Variants in BIRC6 observed in about 807,000 individuals in gnomAD.
BIRC6 encodes the protein dual E2 ubiquitin-conjugating enzyme/E3 ubiquitin-protein ligase BIRC6.
In BIRC6, 98 loss-of-function variants were observed where a neutral mutation model predicts 503.3. That is an observed-to-expected ratio of 0.19 (90% confidence interval 0.17 to 0.23). The LOEUF (loss-of-function observed/expected upper bound fraction) is 0.23. Among genes scored for constraint, BIRC6 ranks in the 10% least tolerant of loss-of-function variants. BIRC6 has a pLI of 1.00. For missense variants in BIRC6, 5,360 were observed against 5,806.0 expected, an observed-to-expected ratio of 0.92 and a Z score of 2.50; for synonymous variants, 2,240 against 2,078.7, an observed-to-expected ratio of 1.08 and a Z score of -2.11.
At chr2:32,555,228 T>C (rs1216289701) in intron 65 of BIRC6, among the ~76,000 whole-genome samples, 1 of 152,124 alleles carries the variant, frequency 6.6e-6, no homozygotes, top group East Asian at 1.9e-4. Context: ...ATAAAGAGTC[T>C]GGGAGCTGTG....
intron 70 of BIRC6, among the ~76,000 whole-genome samples, chr2:32,600,288 A>G (rs1027492802): frequency 6.6e-6 from 1 of 152,248 alleles, no homozygotes; most frequent in Non-Finnish European, 1.5e-5. Context: ...TCATATGACC[A>G]TAAACCTTTT....
intron 1 of BIRC6, among the ~76,000 whole-genome samples, chr2:32,362,095 G>C (rs984205710): frequency 2.0e-5 from 3 of 152,164 alleles, no homozygotes; most frequent in Non-Finnish European, 2.9e-5. Flanking sequence ...GTTTACTTTT[G>C]TAAGAAACTG....
intron 65 of BIRC6, among the ~76,000 whole-genome samples, chr2:32,558,336 C>T (rs1373845188): frequency 2.0e-5 from 3 of 152,094 alleles, no homozygotes; most frequent in Non-Finnish European, 4.4e-5. Flanking sequence ...ACTACACATA[C>T]TTAGTGTATA....
chr2:32,535,720 C>G (rs1368731659), intron 61 of BIRC6, among the ~76,000 whole-genome samples: 1 of 152,166 alleles, frequency 6.6e-6, no homozygotes, highest in African/African-American at 2.4e-5. Flanking sequence ...GGACATTTGG[C>G]TTGGTTCCAA....
intron 42 of BIRC6, among the ~76,000 whole-genome samples, chr2:32,488,968 G>T (rs113656162): frequency 6.6e-6 from 1 of 151,932 alleles, no homozygotes; most frequent in African/African-American, 2.4e-5. Context: ...ACAATGTTCT[G>T]TTACTCCTTT....
chr2:32,513,222 C>A, intron 54 of BIRC6, 68 bp downstream of exon 54: 1 of 1,155,606 alleles, frequency 8.7e-7, no homozygotes, highest in Non-Finnish European at 1.3e-6. Flanking sequence ...CTTGATAAAA[C>A]AAAATATTTT....
chr2:32,386,267 T>G (rs2038443778), intron 3 of BIRC6, among the ~76,000 whole-genome samples: 1 of 152,190 alleles, frequency 6.6e-6, no homozygotes. Flanking sequence ...ACCTACCAGA[T>G]ATCAGGGGAT....
chr2:32,410,988 C>G (rs1005561764), intron 9 of BIRC6, among the ~76,000 whole-genome samples: 9 of 152,258 alleles, frequency 5.9e-5, no homozygotes, highest in African/African-American at 2.2e-4. Flanking sequence ...GCGTGAGCCA[C>G]CGCGCCCAGC....
At chr2:32,508,542 T>G (rs1284929515) in intron 51 of BIRC6, among the ~76,000 whole-genome samples, 1 of 152,180 alleles carries the variant, frequency 6.6e-6, no homozygotes, top group East Asian at 1.9e-4. Context: ...TTGTAATTTT[T>G]TGTATCATAC....
intron 39 of BIRC6, among the ~76,000 whole-genome samples, chr2:32,484,324 G>A (rs973353177): frequency 6.6e-6 from 1 of 152,094 alleles, no homozygotes; most frequent in Non-Finnish European, 1.5e-5. Flanking sequence ...GGCCGAGGCA[G>A]GTGGATCACC....
intron 3 of BIRC6, among the ~76,000 whole-genome samples, chr2:32,386,442 C>CTT (rs752857568): frequency 2.8e-4 from 41 of 147,866 alleles, no homozygotes; most frequent in African/African-American, 2.7e-4. Flanking sequence ...AAGTCTCTCT[C>CTT]TCTTTTTTTT....
At chr2:32,580,029 C>G (rs1221661099) in intron 66 of BIRC6, among the ~76,000 whole-genome samples, 1 of 150,968 alleles carries the variant, frequency 6.6e-6, no homozygotes, top group Non-Finnish European at 1.5e-5. Context: ...TCTCGGCTCA[C>G]TGCAACCTCC....
Position 32,442,429 on chromosome 2 carries a change from T to C in BIRC6, c.4212T>C (p.Cys1404=). 6.2e-7 allele frequency: 1 copy of C among 1,608,110 alleles called. No individual in the cohort carries two copies. The highest frequency in any genetic ancestry group is 8.5e-7 in the Non-Finnish European group (1 of 1,177,188). ...FEAGRSIAHK[C]ARFLALCISN... ...CAGGACGAAGTATAGCCCATAAGTG[T>C]GCCCGATTTCTAGCCTTGTGCATTA... The change falls in exon 19 of 74, where the codon TGT becomes TGC. Residue 1404 remains cysteine (C), a synonymous_variant. Coordinates refer to ENST00000421745, the MANE Select transcript of BIRC6 (RefSeq NM_016252.4).
intron 54 of BIRC6, among the ~76,000 whole-genome samples, chr2:32,513,554 C>T (rs1368288720): frequency 6.6e-6 from 1 of 152,078 alleles, no homozygotes; most frequent in Admixed American, 6.6e-5. Flanking sequence ...GTGGGAAGAT[C>T]GCTTGAGTCA....
intron 71 of BIRC6, among the ~76,000 whole-genome samples, chr2:32,606,347 G>C (rs1234208261): frequency 6.6e-6 from 1 of 152,108 alleles, no homozygotes; most frequent in Non-Finnish European, 1.5e-5. Context: ...CAGCACTTTG[G>C]GAGGCCAAGG....
chr2:32,410,155 T>C (rs2041699748), intron 9 of BIRC6, among the ~76,000 whole-genome samples: 1 of 152,210 alleles, frequency 6.6e-6, no homozygotes, highest in African/African-American at 2.4e-5. Flanking sequence ...CTACATAGAT[T>C]AGAAAGAAAA....
At chr2:32,556,110 CAG>C (rs1345302031) in intron 65 of BIRC6, among the ~76,000 whole-genome samples, 2 of 152,234 alleles carry the variant, frequency 1.3e-5, no homozygotes, top group Admixed American at 6.5e-5. Context: ...GATAGCGACT[CAG>C]AGTATCTATA....
At chr2:32,597,699 C>A in intron 68 of BIRC6, 52 bp from the exon 69 acceptor site, 1 of 1,352,280 alleles carries the variant, frequency 7.4e-7, no homozygotes, top group Non-Finnish European at 1.0e-6. Flanking sequence ...TGATTTTTGT[C>A]ATTATAACAA....
rs376028664 is a variant in BIRC6 at position 32,448,776 on chromosome 2, G to A, written c.4485-19G>A. 2.3e-5 allele frequency: 37 copies of A among 1,586,562 alleles called. No individual in the cohort carries two copies. In the African/African-American group the frequency reaches 4.6e-4, roughly 20 times the overall value. Reference sequence around the variant, plus strand: ...GATGGCTGAAAGGAAAATTGTTAGTGCATTATTTTATTTTTCAGATATGGA... The same window carrying A: ...GATGGCTGAAAGGAAAATTGTTAGTACATTATTTTATTTTTCAGATATGGA... On this transcript the variant is annotated intron_variant, in intron 21 of 73. Transcript: ENST00000421745.
Sources: allele counts gnomAD v4.1 joint callset (sites outside exome capture counted in the v4.1 genomes callset), GRCh38; gene constraint gnomAD v4.1.1; transcripts MANE v1.5; gene names NCBI Gene and HGNC (gene_info 2026-07-23, HGNC 2026-07-21).